Variants in ZFYVE9 observed in about 807,000 individuals in gnomAD.
ZFYVE9 encodes zinc finger FYVE domain-containing protein 9.
In ZFYVE9, 43 loss-of-function variants were observed where a neutral mutation model predicts 126.7. The ratio of observed to expected loss-of-function variants is 0.34; its 90% confidence interval spans 0.27 to 0.44. The LOEUF (loss-of-function observed/expected upper bound fraction) is 0.44, where lower values mean the gene tolerates loss of function less well. ZFYVE9 is among the 20% of genes least tolerant of loss of function. ZFYVE9 has a pLI of 1.00. For missense variants in ZFYVE9, 1,476 were observed against 1,697.0 expected (o/e 0.87, Z 2.29); for synonymous variants, 521 against 597.4 (o/e 0.87, Z 1.87).
intron 18 of ZFYVE9, 67 bp downstream of exon 18, chr1:52,345,011 T>A: frequency 6.5e-7 from 1 of 1,549,386 alleles, no homozygotes; most frequent in Non-Finnish European, 8.9e-7. Context: ...GACGTGAGTT[T>A]TTCTGCATCA....
At chr1:52,255,960 TTTCTTTTCTTTC>T (rs1645509846) in intron 4 of ZFYVE9, among the ~76,000 whole-genome samples, 2 of 88,238 alleles carry the variant, frequency 2.3e-5, no homozygotes, top group African/African-American at 8.2e-5. Flanking sequence ...TTTCTTTTCT[TTTCTTTTCTTTC>T]TTTCTTTCTT....
chr1:52,181,695 C>T (rs1218531869), intron 1 of ZFYVE9, among the ~76,000 whole-genome samples: 8 of 151,806 alleles, frequency 5.3e-5, no homozygotes, highest in Non-Finnish European at 8.8e-5. Flanking sequence ...TCTGCCCGGC[C>T]GCCCATCGTC....
intron 2 of ZFYVE9, among the ~76,000 whole-genome samples, chr1:52,231,989 G>A (rs1007394689): frequency 6.6e-6 from 1 of 152,068 alleles, no homozygotes; most frequent in Non-Finnish European, 1.5e-5. Context: ...TAAAATGAGG[G>A]AAATATCATT....
rs149364600 is a variant in ZFYVE9, at chr1:52,152,488, G to A, written c.-143+10085G>A. On this transcript the variant is annotated intron_variant, in intron 1 of 18. Transcript: ENST00000287727. ...CATTCTGCACGTTATTAGAATATTA[G>A]CAGTATTATTTCTTTTTATATTCAG... is the stretch of plus-strand genomic sequence containing the variant. 1.6e-3 allele frequency among the ~76,000 whole-genome samples: 243 copies of A among 152,130 alleles called. 2 individuals are homozygous for A. Among genetic ancestry groups the A allele is most frequent in the African/African-American group, 5.3e-3 (221 of 41,480 alleles).
chr1:52,238,329 A>T lies in ZFYVE9; in HGVS notation c.912A>T (p.Leu304=), dbSNP rs747526135. 18 of 1,613,712 alleles carry T rather than the reference A, an allele frequency of 1.1e-5. No individual in the cohort carries two copies. The highest frequency in any genetic ancestry group is 1.5e-5 in the Non-Finnish European group (18 of 1,179,938). ...AAATCAGCTCTCCTAGGACAGATCT[A>T]GGGAGTCCAAATTCCTTTTCCCACA... The part of the protein sequence containing the change: ...TGKISSPRTD[L]GSPNSFSHMS... The change falls in exon 4 of 19, where the codon CTA becomes CTT. Residue 304 remains leucine, a synonymous_variant. Coordinates refer to ENST00000287727, the MANE Select transcript of ZFYVE9 (RefSeq NM_004799.4).
At chr1:52,165,826 T>C (rs1467171564) in intron 1 of ZFYVE9, among the ~76,000 whole-genome samples, 1 of 152,246 alleles carries the variant, frequency 6.6e-6, no homozygotes, top group East Asian at 1.9e-4. Context: ...AGAACAATCA[T>C]TGAAGAGATG....
chr1:52,301,532 G>T (rs1553133988), intron 12 of ZFYVE9, among the ~76,000 whole-genome samples: 1 of 151,884 alleles, frequency 6.6e-6, no homozygotes, highest in Non-Finnish European at 1.5e-5. Context: ...TCCAACTCCT[G>T]GGCTCAAGCT....
chr1:52,187,403 C>G (rs978252544), intron 1 of ZFYVE9, among the ~76,000 whole-genome samples: 1 of 152,126 alleles, frequency 6.6e-6, no homozygotes, highest in African/African-American at 2.4e-5. Flanking sequence ...GACATAGGAA[C>G]TGGCAAAGAT....
chr1:52,183,449 C>G lies in ZFYVE9; in HGVS notation c.-142-32920C>G, dbSNP rs969768505. ...TATTAAACATATGAGGAAATTGAGA[C>G]CTGTGTTTGTACTTTTGCCTTTTGA... On this transcript the variant is annotated intron_variant, in intron 1 of 18. Transcript: ENST00000287727. 4.6e-5 allele frequency among the ~76,000 whole-genome samples: 7 copies of G among 152,176 alleles called. No homozygotes were observed. The East Asian group carries it at 1.3e-3, about 29-fold the overall frequency.
intron 1 of ZFYVE9, chr1:52,179,733 A>G (rs1644679567): frequency 2.7e-6 from 1 of 375,744 alleles, no homozygotes; most frequent in Non-Finnish European, 4.9e-6. Flanking sequence ...TCAAGTTTTT[A>G]TAGGAGCGGA....
intron 1 of ZFYVE9, among the ~76,000 whole-genome samples, chr1:52,205,211 A>G (rs779215470): frequency 6.6e-6 from 1 of 151,242 alleles, no homozygotes; most frequent in Non-Finnish European, 1.5e-5. Flanking sequence ...AGTAGCTGCG[A>G]CTACAGCCGT....
intron 12 of ZFYVE9, 108 bp from the exon 13 acceptor site, chr1:52,303,713 G>A (rs1391058804): frequency 6.7e-6 from 4 of 597,040 alleles, no homozygotes; most frequent in African/African-American, 3.9e-5. Flanking sequence ...TAAATAAATA[G>A]GATCTTTCAA....
intron 12 of ZFYVE9, among the ~76,000 whole-genome samples, chr1:52,303,479 C>A (rs1557510382): frequency 6.6e-6 from 1 of 152,170 alleles, no homozygotes; most frequent in African/African-American, 2.4e-5. Flanking sequence ...AACAACACAA[C>A]TGAGAGTTTG....
intron 1 of ZFYVE9, among the ~76,000 whole-genome samples, chr1:52,164,246 T>C (rs911254582): frequency 6.7e-6 from 1 of 150,278 alleles, no homozygotes; most frequent in South Asian, 2.1e-4. Flanking sequence ...TGGGGTCTCA[T>C]TCTGTAGCCC....
At chr1:52,196,546 A>T (rs750786722) in intron 1 of ZFYVE9, among the ~76,000 whole-genome samples, 44 of 152,156 alleles carry the variant, frequency 2.9e-4, no homozygotes, top group Non-Finnish European at 3.5e-4. Context: ...CTGAGGCAGG[A>T]GAATCGCTTG....
chr1:52,337,655 CTG>C (rs1234297997), intron 15 of ZFYVE9, 115 bp from the exon 16 acceptor site: 17 of 1,186,154 alleles, frequency 1.4e-5, no homozygotes, highest in Middle Eastern at 2.0e-4. Context: ...AGCAAAACCT[CTG>C]TATCAGTCAG....
intron 10 of ZFYVE9, among the ~76,000 whole-genome samples, chr1:52,283,685 G>C (rs1178676537): frequency 1.3e-5 from 2 of 152,154 alleles, no homozygotes; most frequent in Admixed American, 6.5e-5. Flanking sequence ...AATTAGGTCA[G>C]TGTTTGCCTA....
chr1:52,192,646 A>G (rs1282565686), intron 1 of ZFYVE9, among the ~76,000 whole-genome samples: 2 of 152,220 alleles, frequency 1.3e-5, no homozygotes, highest in Non-Finnish European at 2.9e-5. Flanking sequence ...ACTAGAAAAT[A>G]TTTGCATCAT....
chr1:52,322,405 A>T (rs1646249748), intron 13 of ZFYVE9, among the ~76,000 whole-genome samples: 1 of 139,774 alleles, frequency 7.2e-6, no homozygotes, highest in African/African-American at 2.7e-5. Context: ...TTTGAGACAG[A>T]GTCTCGCTGT....
Sources: allele counts gnomAD v4.1 joint callset (sites outside exome capture counted in the v4.1 genomes callset), GRCh38; gene constraint gnomAD v4.1.1; transcripts MANE v1.5; gene names NCBI Gene and HGNC (gene_info 2026-07-23, HGNC 2026-07-21).